SDK1: variants seen among roughly 807,000 people sequenced by gnomAD.
SDK1 encodes the protein sidekick cell adhesion molecule 1.
Under a neutral mutation model 245.5 loss-of-function variants are expected in SDK1, and 157 were observed. The ratio of observed to expected loss-of-function variants is 0.64; its 90% confidence interval spans 0.56 to 0.73. The LOEUF (loss-of-function observed/expected upper bound fraction) is 0.73. Among genes scored for constraint, SDK1 ranks in the 30% least tolerant of loss-of-function variants. SDK1 has a pLI of 0.00. For synonymous variants in SDK1, 1,647 were observed against 1,278.5 expected, an observed-to-expected ratio of 1.29 and a Z score of -6.15; for missense variants, 3,583 against 3,002.3, an observed-to-expected ratio of 1.19 and a Z score of -4.52.
intron 1 of SDK1, among the ~76,000 whole-genome samples, chr7:3,550,162 C>A (rs76574583): frequency 2.6e-5 from 4 of 151,996 alleles, no homozygotes; most frequent in Non-Finnish European, 5.9e-5. Flanking sequence ...ATATGCATAT[C>A]TCAAATTTAC....
At chr7:4,156,971 G>T (rs1328571750) in intron 30 of SDK1, among the ~76,000 whole-genome samples, 2 of 152,184 alleles carry the variant, frequency 1.3e-5, no homozygotes, top group African/African-American at 4.8e-5. Context: ...GAGTTTTCTG[G>T]TCTGGAAACT....
At chr7:4,159,674 C>G (rs142033301) in intron 31 of SDK1, among the ~76,000 whole-genome samples, 2 of 152,318 alleles carry the variant, frequency 1.3e-5, no homozygotes, top group Non-Finnish European at 2.9e-5. Flanking sequence ...CCTGAGGAGC[C>G]GGGCTGAGCC....
intron 20 of SDK1, among the ~76,000 whole-genome samples, chr7:4,070,259 G>C (rs1780163744): frequency 1.3e-5 from 2 of 152,082 alleles, no homozygotes; most frequent in African/African-American, 4.8e-5. Flanking sequence ...TCAGACCTTG[G>C]GACCAGATGG....
At chr7:3,418,722 T>G (rs1297816242) in intron 1 of SDK1, among the ~76,000 whole-genome samples, 2 of 152,176 alleles carry the variant, frequency 1.3e-5, no homozygotes, top group Non-Finnish European at 2.9e-5. Context: ...GCGATACTGT[T>G]ACATAGTCCA....
At position 3,967,380 on chromosome 7, in the gene SDK1, A is replaced by G. The variant is rs372824870; in HGVS notation, c.1492A>G (p.Ile498Val). 20 of 1,614,162 alleles carry G rather than the reference A, an allele frequency of 1.2e-5. No homozygotes were observed. The African/African-American group carries it at 1.5e-4, about 12-fold the overall frequency. The change falls in exon 10 of 45, where the codon ATT becomes GTT. Residue 498 changes from isoleucine to valine, a missense_variant. Physicochemically the swap from Ile to Val is conservative, Grantham distance 29 (BLOSUM62 3). Coordinates refer to ENST00000404826, the MANE Select transcript of SDK1 (RefSeq NM_152744.4). ...CACAGTTACTGACGGGATGACAGCC[A>G]TTCTAAGGTGTGAGGTGTCCGGGGC... ...DTTVTDGMTA[I>V]LRCEVSGAPK...
intron 14 of SDK1, among the ~76,000 whole-genome samples, chr7:4,003,369 C>T (rs1456468358): frequency 6.6e-6 from 1 of 152,220 alleles, no homozygotes; most frequent in African/African-American, 2.4e-5. Context: ...CACCCAGCTT[C>T]CCCTGTGACA....
intron 1 of SDK1, among the ~76,000 whole-genome samples, chr7:3,360,333 A>G (rs2128560478): frequency 6.6e-6 from 1 of 152,310 alleles, no homozygotes; most frequent in African/African-American, 2.4e-5. Flanking sequence ...GATTTTAGGA[A>G]CTACTGGGGC....
chr7:3,513,399 A>G (rs900158892), intron 1 of SDK1, among the ~76,000 whole-genome samples: 5 of 152,206 alleles, frequency 3.3e-5, no homozygotes, highest in Non-Finnish European at 7.3e-5. Context: ...CAGAGTTCCA[A>G]ACAAAATCCC....
chr7:3,703,419 A>C (rs566601061), intron 4 of SDK1, among the ~76,000 whole-genome samples: 8 of 152,358 alleles, frequency 5.3e-5, no homozygotes, highest in Admixed American at 5.2e-4. Context: ...TGAGAAAATT[A>C]TATAGTTGAA....
intron 4 of SDK1, among the ~76,000 whole-genome samples, chr7:3,744,274 G>A (rs1042185462): frequency 2.0e-5 from 3 of 151,426 alleles, no homozygotes; most frequent in South Asian, 4.2e-4. Context: ...AACCCCTTAC[G>A]ATACTTTGAC....
chr7:4,061,070 T>G (rs961779822), intron 19 of SDK1, among the ~76,000 whole-genome samples: 2 of 152,238 alleles, frequency 1.3e-5, no homozygotes, highest in Non-Finnish European at 2.9e-5. Flanking sequence ...TGAAGTCAGG[T>G]AGCGTGATGC....
intron 1 of SDK1, among the ~76,000 whole-genome samples, chr7:3,609,417 T>C (rs1167809559): frequency 6.6e-6 from 1 of 152,140 alleles, no homozygotes; most frequent in East Asian, 1.9e-4. Context: ...TTTTCTTTTT[T>C]TGAGACAGAG....
chr7:3,653,991 CT>C (rs1230990611), intron 4 of SDK1, among the ~76,000 whole-genome samples: 2 of 152,078 alleles, frequency 1.3e-5, no homozygotes, highest in Non-Finnish European at 2.9e-5. Flanking sequence ...TATGCCGCCC[CT>C]CAAAAAAGGT....
chr7:4,192,425 G>A (rs926604793), intron 35 of SDK1, among the ~76,000 whole-genome samples: 9 of 152,166 alleles, frequency 5.9e-5, no homozygotes, highest in Admixed American at 2.0e-4. Flanking sequence ...ACAGGTGCCC[G>A]CCACCACGCC....
chr7:3,831,967 C>T (rs1025366429), intron 5 of SDK1, among the ~76,000 whole-genome samples: 1 of 152,088 alleles, frequency 6.6e-6, no homozygotes, highest in Non-Finnish European at 1.5e-5. Flanking sequence ...AGGAGGATCA[C>T]TTGAGCCAGG....
rs568505580 is a variant in SDK1, at chr7:4,261,521, C to T, written c.6382-3603C>T. On this transcript the variant is annotated intron_variant, in intron 44 of 44. Coordinates refer to ENST00000404826, the MANE Select transcript of SDK1 (RefSeq NM_152744.4). Reference sequence around the variant, plus strand: ...TGGCAATGGGGCCCACATCTGGGGCCACAGCCGTCTGTCTTAACACCCACA... The same window carrying T: ...TGGCAATGGGGCCCACATCTGGGGCTACAGCCGTCTGTCTTAACACCCACA... Among the ~76,000 whole-genome samples, 2 of 152,254 alleles carry T rather than the reference C, an allele frequency of 1.3e-5. 1 individual carries two copies. The highest frequency in any genetic ancestry group is 4.8e-5 in the African/African-American group (2 of 41,556).
At chr7:3,447,795 C>G (rs887385589) in intron 1 of SDK1, among the ~76,000 whole-genome samples, 7 of 150,908 alleles carry the variant, frequency 4.6e-5, no homozygotes, top group Non-Finnish European at 8.8e-5. Flanking sequence ...ACCTCTGCCT[C>G]CCGGGTTCAA....
At chr7:3,609,103 G>C in intron 1 of SDK1, among the ~76,000 whole-genome samples, 1 of 152,236 alleles carries the variant, frequency 6.6e-6, no homozygotes, top group African/African-American at 2.4e-5. Flanking sequence ...TTTCATAAAT[G>C]TCTTTTGTAT....
intron 2 of SDK1, among the ~76,000 whole-genome samples, chr7:3,625,533 C>A (rs35309308): frequency 2.2e-4 from 33 of 152,260 alleles, no homozygotes; most frequent in Admixed American, 9.2e-4. Flanking sequence ...AGGAAGGAAG[C>A]ACCAGTGCAG....
Sources: allele counts gnomAD v4.1 joint callset (sites outside exome capture counted in the v4.1 genomes callset), GRCh38; gene constraint gnomAD v4.1.1; transcripts MANE v1.5; gene names NCBI Gene and HGNC (gene_info 2026-07-23, HGNC 2026-07-21).